The following AXL variants were observed in gnomAD, a reference collection of about 807,000 sequenced individuals.
AXL encodes AXL receptor tyrosine kinase.
In AXL, 52 loss-of-function variants were observed where a neutral mutation model predicts 104.5. That is an observed-to-expected ratio of 0.50 (90% CI 0.40 to 0.63). The LOEUF is 0.63. Ranked by LOEUF, AXL falls within the 20% of genes least tolerant of loss-of-function variation. AXL has a pLI of 0.00. For synonymous variants in AXL, 455 were observed against 473.7 expected (o/e 0.96, Z 0.51); for missense variants, 1,024 against 1,188.5 (o/e 0.86, Z 2.04).
At chr19:41,231,447 G>A (rs1599729690) in intron 6 of AXL, 149 bp downstream of exon 6, 3 of 725,496 alleles carry the variant, frequency 4.1e-6, no homozygotes, top group Non-Finnish European at 6.7e-6. Context: ...TCCTGGGTTC[G>A]AATCCTAGCT....
Position 41,248,549 on chromosome 19 carries a change from A to T in AXL, c.1573A>T (p.Lys525Ter). Residue 525 changes from lysine to a stop codon, truncating the protein, a stop_gained, in exon 13 of 20, where the codon AAG (lysine) becomes TAG (stop). Coordinates refer to ENST00000301178, the MANE Select transcript of AXL (RefSeq NM_021913.5). LOFTEE classifies it high-confidence loss of function. ...SLGISEELKEKLRDVMVDRHK... is the reference protein window; with the variant it reads ...SLGISEELKE ...GGGCATCAGTGAAGAGCTGAAGGAG[A>T]AGCTGCGGGATGTGATGGTGGACCG... 6 of 1,614,148 alleles carry T rather than the reference A, an allele frequency of 3.7e-6. No homozygotes were observed. Among genetic ancestry groups the T allele is most frequent in the Non-Finnish European group, 5.1e-6 (6 of 1,180,022 alleles).
intron 7 of AXL, 88 bp from the exon 8 acceptor site, chr19:41,238,382 C>G: frequency 6.4e-7 from 1 of 1,563,022 alleles, no homozygotes; most frequent in South Asian, 1.2e-5. Context: ...CGTGTGTGCC[C>G]TTGGCACCCT....
chr19:41,230,593 T>G (rs1052071139), intron 4 of AXL, among the ~76,000 whole-genome samples: 2 of 151,120 alleles, frequency 1.3e-5, no homozygotes, highest in Admixed American at 6.6e-5. Flanking sequence ...GCTGTGTGTG[T>G]CTTTGTGTGT....
Position 41,221,679 on chromosome 19 carries a change from G to C in AXL, c.410-201G>C, listed in dbSNP as rs1378659755. 2.1e-5 allele frequency: 12 copies of C among 579,418 alleles called. 1 individual carries two copies. The highest frequency in any genetic ancestry group is 6.0e-6 in the Non-Finnish European group (2 of 331,228). The allele number at this position is 579,418 out of a possible 1,614,324, so 35.9% of individuals were successfully genotyped here. On this transcript the variant is annotated intron_variant, in intron 3 of 19. Coordinates refer to ENST00000301178, the MANE Select transcript of AXL (RefSeq NM_021913.5). ...AGACATGAGGAGCTCAGCTATCGTG[G>C]GGGGTCTGACATGGGAGGAATCAGA...
At chr19:41,222,080 C>T in intron 4 of AXL, 24 bp downstream of exon 4, 9 of 1,507,136 alleles carry the variant, frequency 6.0e-6, no homozygotes, top group Non-Finnish European at 8.0e-6. Flanking sequence ...TGTGGGTCAG[C>T]TCCGAATAGG....
intron 12 of AXL, 61 bp downstream of exon 12, chr19:41,243,768 C>T: frequency 6.8e-7 from 1 of 1,478,274 alleles, no homozygotes; most frequent in Non-Finnish European, 9.5e-7. Flanking sequence ...AGAATCTGGC[C>T]TGCTGGGCTT....
rs553110030 is a variant in AXL at position 41,236,211 on chromosome 19, T to G, written c.784-1733T>G. 3.3e-5 allele frequency among the ~76,000 whole-genome samples: 5 copies of G among 151,490 alleles called. No individual in the cohort carries two copies. In the South Asian group the frequency reaches 1.0e-3, roughly 32 times the overall value. On this transcript the variant is annotated intron_variant, in intron 6 of 19. Transcript: ENST00000301178. ...AGCCAGGCATGGTGGCACATGACTG[T>G]AGCCCCAGCTACTCGAGAGGCTGAA...
chr19:41,226,639 C>A, intron 4 of AXL: 2 of 677,752 alleles, frequency 3.0e-6, no homozygotes, highest in Non-Finnish European at 3.6e-6. Context: ...CGTACACGCA[C>A]GGAGCAAACA....
At chr19:41,226,997 A>G (rs2033893447) in intron 4 of AXL, 1 of 158,996 alleles carries the variant, frequency 6.3e-6, no homozygotes, top group South Asian at 2.0e-4. Context: ...GCTTGGGAGG[A>G]TGAGACAGGA....
intron 14 of AXL, among the ~76,000 whole-genome samples, chr19:41,251,562 CAA>C (rs916273568): frequency 1.2e-4 from 13 of 109,658 alleles, no homozygotes; most frequent in African/African-American, 1.4e-4. Context: ...AACTCCATCT[CAA>C]AAAAAAAAAA....
At chr19:41,220,225 TCCGCCACCACCCTTATCTCCCC>T (rs983109441) in intron 1 of AXL, among the ~76,000 whole-genome samples, 3 of 149,448 alleles carry the variant, frequency 2.0e-5, no homozygotes, top group African/African-American at 7.5e-5. Flanking sequence ...GGCTTCTCCC[TCCGCCACCACCCTTATCTCCCC>T]CCACCACCAC....
intron 1 of AXL, 159 bp from the exon 2 acceptor site, chr19:41,220,477 C>T: frequency 1.6e-6 from 1 of 630,794 alleles, no homozygotes; most frequent in South Asian, 2.0e-5. Context: ...CCTCTCAGAG[C>T]CTCCGCCCTC....
rs2122237179 is a variant in AXL at position 41,239,157 on chromosome 19, C to T, written c.1135-7C>T. On this transcript the variant is annotated splice_region_variant and splice_polypyrimidine_tract_variant and intron_variant, in intron 8 of 19. Transcript: ENST00000301178. ...TTCTACCCTGATGCCACTTCTGGAC[C>T]TCCTAGGTGCTAATGGACATAGGGC... 6.2e-7 allele frequency: 1 copy of T among 1,613,024 alleles called. No homozygotes were observed. The highest frequency in any genetic ancestry group is 8.5e-7 in the Non-Finnish European group (1 of 1,179,382).
At chr19:41,222,513 C>G (rs2033809712) in intron 4 of AXL, among the ~76,000 whole-genome samples, 1 of 152,184 alleles carries the variant, frequency 6.6e-6, no homozygotes, top group South Asian at 2.1e-4. Context: ...ACCGGCCCAC[C>G]TCCTGCCCTA....
chr19:41,259,669 A>T lies in AXL; in HGVS notation c.2450A>T (p.Asp817Val), dbSNP rs761722241. Residue 817 changes from aspartate (D) to valine (V), a missense_variant, in exon 20 of 20, where the codon GAC (aspartate) becomes GTC (valine). Asp to Val is a radical substitution (Grantham distance 152). This residue lies in a region of AXL where 523 missense variants were observed against 636.0 expected (regional missense o/e 0.82). Coordinates refer to ENST00000301178, the MANE Select transcript of AXL (RefSeq NM_021913.5). ...GCCTTGCCTCCTGCCCAGGAGCCTG[A>T]CGAAATCCTCTATGTCAACATGGAT... ...LKALPPAQEP[D>V]EILYVNMDEG... The T allele has an allele frequency of 1.9e-6, 3 of 1,614,098 alleles. No individual in the cohort carries two copies. Among genetic ancestry groups the T allele is most frequent in the Non-Finnish European group, 2.5e-6 (3 of 1,180,016 alleles).
intron 7 of AXL, 150 bp downstream of exon 7, chr19:41,238,304 G>A (rs1027899041): frequency 1.2e-5 from 17 of 1,427,770 alleles, no homozygotes; most frequent in East Asian, 1.2e-4. Context: ...AGCACTGCCC[G>A]CTGGCCTCTC....
At chr19:41,220,044 C>T (rs1249705375) in intron 1 of AXL, among the ~76,000 whole-genome samples, 2 of 151,870 alleles carry the variant, frequency 1.3e-5, no homozygotes, top group Admixed American at 1.3e-4. Context: ...ACAGTCTCTG[C>T]CTTTATCTCT....
At chr19:41,231,368 C>T in intron 6 of AXL, 70 bp downstream of exon 6, 1 of 1,389,130 alleles carries the variant, frequency 7.2e-7, no homozygotes, top group Non-Finnish European at 9.9e-7. Context: ...CCCCCATCCT[C>T]TCCCTGGGAA....
chr19:41,244,360 G>C (rs1432209312), intron 12 of AXL, among the ~76,000 whole-genome samples: 1 of 152,168 alleles, frequency 6.6e-6, no homozygotes, highest in Non-Finnish European at 1.5e-5. Context: ...GTGATGATGT[G>C]ATAAAAATCA....
Sources: gnomAD v4.1 joint callset for allele counts (sites outside exome capture counted in the v4.1 genomes callset) on GRCh38, gnomAD v4.1.1 for gene constraint, gnomAD v4.1.1 regional missense constraint, MANE v1.5 for transcripts, NCBI Gene and HGNC (gene_info 2026-07-23, HGNC 2026-07-21) for gene names.